CAMKMT: variants seen among roughly 807,000 people sequenced by gnomAD.
CAMKMT encodes calmodulin-lysine N-methyltransferase.
Under a neutral mutation model 48.0 loss-of-function variants are expected in CAMKMT, and 53 were observed. The observed-to-expected ratio is 1.10, with a 90% CI of 0.89 to 1.39. CAMKMT has a LOEUF of 1.39. CAMKMT is among the 40% of genes most tolerant of loss of function. The pLI, the probability that CAMKMT is intolerant of heterozygous loss-of-function variation, is 0.00. For synonymous variants in CAMKMT, 165 were observed against 152.3 expected (o/e 1.08, Z -0.61); for missense variants, 428 against 402.7 (o/e 1.06, Z -0.54).
chr2:44,731,663 A>G (rs1363366746), intron 7 of CAMKMT, among the ~76,000 whole-genome samples: 1 of 152,240 alleles, frequency 6.6e-6, no homozygotes, highest in Non-Finnish European at 1.5e-5. Flanking sequence ...CAAAGCCAGA[A>G]TGAAAGGACA....
intron 3 of CAMKMT, among the ~76,000 whole-genome samples, chr2:44,499,676 T>C (rs1370046660): frequency 6.6e-6 from 1 of 152,236 alleles, no homozygotes; most frequent in Non-Finnish European, 1.5e-5. Context: ...ATTCTTCTAA[T>C]ATTACTTGGG....
intron 2 of CAMKMT, among the ~76,000 whole-genome samples, chr2:44,378,597 G>C (rs1051944675): frequency 6.6e-6 from 1 of 152,076 alleles, no homozygotes; most frequent in Admixed American, 6.5e-5. Flanking sequence ...GGGTTCAAGC[G>C]ATTCTCCTGC....
chr2:44,742,304 C>G (rs1395471985), intron 7 of CAMKMT, among the ~76,000 whole-genome samples: 1 of 152,198 alleles, frequency 6.6e-6, no homozygotes, highest in Non-Finnish European at 1.5e-5. Context: ...TCCAGTAGGC[C>G]TCAGCAAGTA....
chr2:44,563,146 ATTATTGTTATAAAAATAATCC>A (rs1668414628), intron 3 of CAMKMT, among the ~76,000 whole-genome samples: 1 of 146,532 alleles, frequency 6.8e-6, no homozygotes, highest in Non-Finnish European at 1.5e-5. Context: ...TAATTTTTAA[ATTATTGTTATAAAAATAATCC>A]TACAATCCCA....
intron 2 of CAMKMT, among the ~76,000 whole-genome samples, chr2:44,386,317 G>C (rs955234182): frequency 6.6e-6 from 1 of 152,000 alleles, no homozygotes; most frequent in Admixed American, 6.6e-5. Flanking sequence ...TGTAAATATA[G>C]TAGCCTTGAA....
chr2:44,741,461 G>C (rs1376549903), intron 7 of CAMKMT, among the ~76,000 whole-genome samples: 25 of 152,228 alleles, frequency 1.6e-4, no homozygotes, highest in Non-Finnish European at 1.8e-4. Context: ...TGTTCAAGGA[G>C]ATAGCTAGTG....
intron 7 of CAMKMT, among the ~76,000 whole-genome samples, chr2:44,740,872 G>T (rs575005427): frequency 6.6e-6 from 1 of 152,202 alleles, no homozygotes. Context: ...GATAAGATCA[G>T]TGTGGGCCAG....
chr2:44,689,316 A>G (rs887857691), intron 3 of CAMKMT, among the ~76,000 whole-genome samples: 4 of 118,830 alleles, frequency 3.4e-5, no homozygotes, highest in Middle Eastern at 9.1e-3. Context: ...TTATTTTGAG[A>G]CAGGGAGAGT....
At chr2:44,668,242 C>T (rs760337211) in intron 3 of CAMKMT, among the ~76,000 whole-genome samples, 10 of 152,206 alleles carry the variant, frequency 6.6e-5, no homozygotes, top group Non-Finnish European at 1.2e-4. Flanking sequence ...ACTAGAGCCA[C>T]CTGTCCACCT....
chr2:44,471,029 C>G (rs1313076699), intron 3 of CAMKMT, among the ~76,000 whole-genome samples: 2 of 122,206 alleles, frequency 1.6e-5, no homozygotes, highest in African/African-American at 6.3e-5. Context: ...CAGTTTCGCT[C>G]TCTCACCCAG....
At chr2:44,531,784 G>A (rs939983543) in intron 3 of CAMKMT, among the ~76,000 whole-genome samples, 1 of 151,982 alleles carries the variant, frequency 6.6e-6, no homozygotes, top group South Asian at 2.1e-4. Context: ...TATTTCCTTG[G>A]TTATATACAG....
At chr2:44,392,606 A>C (rs147799997) in intron 3 of CAMKMT, among the ~76,000 whole-genome samples, 2,192 of 152,130 alleles carry the variant, frequency 0.014, 55 homozygotes, top group African/African-American at 0.05. Context: ...AAATAGCTCA[A>C]ATAATAACCC....
At chr2:44,438,893 C>T (rs529236602) in intron 3 of CAMKMT, among the ~76,000 whole-genome samples, 13 of 152,258 alleles carry the variant, frequency 8.5e-5, no homozygotes, top group Non-Finnish European at 1.3e-4. Context: ...ATCTGCCCCT[C>T]CTACTGGGAA....
At chr2:44,752,524 A>T (rs942441142) in intron 8 of CAMKMT, among the ~76,000 whole-genome samples, 4 of 144,662 alleles carry the variant, frequency 2.8e-5, no homozygotes, top group Admixed American at 2.1e-4. Context: ...ACCTGTCCCC[A>T]CCCTAACCCC....
At chr2:44,619,200 T>G (rs1672046671) in intron 3 of CAMKMT, among the ~76,000 whole-genome samples, 2 of 152,202 alleles carry the variant, frequency 1.3e-5, no homozygotes, top group Non-Finnish European at 2.9e-5. Context: ...GGATACTTAT[T>G]TGAGGTATTG....
chr2:44,389,248 T>C (rs1251532223), intron 2 of CAMKMT, among the ~76,000 whole-genome samples: 1 of 152,094 alleles, frequency 6.6e-6, no homozygotes, highest in African/African-American at 2.4e-5. Flanking sequence ...ACCAGTCACA[T>C]TGCATTAGGG....
chr2:44,628,988 G>A (rs1270133103), intron 3 of CAMKMT, among the ~76,000 whole-genome samples: 1 of 152,032 alleles, frequency 6.6e-6, no homozygotes, highest in Admixed American at 6.6e-5. Context: ...CATATATTCT[G>A]CCCTTGTTTG....
intron 3 of CAMKMT, among the ~76,000 whole-genome samples, chr2:44,470,187 TG>T (rs1351499098): frequency 1.3e-5 from 2 of 152,210 alleles, no homozygotes; most frequent in African/African-American, 4.8e-5. Flanking sequence ...ATATAGCTTT[TG>T]TAGCTTTCCA....
Position 44,656,985 on chromosome 2 carries a change from A to G in CAMKMT, c.377-47298A>G, listed in dbSNP as rs538482655. On this transcript the variant is annotated intron_variant, in intron 3 of 10. Coordinates refer to ENST00000378494, the MANE Select transcript of CAMKMT (RefSeq NM_024766.5). ...CAAGAAGCACCTACTATCAGAAAGA[A>G]CCACAAAACTAAAATGATTGATTTT... Among the ~76,000 whole-genome samples, 3 of 152,314 alleles carry G rather than the reference A, an allele frequency of 2.0e-5. No individual in the cohort carries two copies. In the South Asian group the frequency reaches 6.2e-4, roughly 32 times the overall value.
Sources: allele counts gnomAD v4.1 joint callset (sites outside exome capture counted in the v4.1 genomes callset), GRCh38; gene constraint gnomAD v4.1.1; transcripts MANE v1.5; gene names NCBI Gene and HGNC (gene_info 2026-07-23, HGNC 2026-07-21).